The following DST variants were observed in gnomAD, a reference collection of about 807,000 sequenced individuals.
DST encodes dystonin.
Under a neutral mutation model 875.2 loss-of-function variants are expected in DST, and 253 were observed. That is an observed-to-expected ratio of 0.29 (90% confidence interval 0.26 to 0.32). The LOEUF (loss-of-function observed/expected upper bound fraction) is 0.32. Among genes scored for constraint, DST ranks in the 10% least tolerant of loss-of-function variants. The probability of loss-of-function intolerance (pLI) is 1.00; values close to 1 mark genes in which losing one functional copy is unlikely to be tolerated. For missense variants in DST, 8,287 were observed against 9,111.6 expected, an observed-to-expected ratio of 0.91 and a Z score of 3.68; for synonymous variants, 3,124 against 3,197.1, an observed-to-expected ratio of 0.98 and a Z score of 0.77.
intron 5 of DST, among the ~76,000 whole-genome samples, chr6:56,722,729 C>T (rs2152914823): frequency 6.6e-6 from 1 of 152,192 alleles, no homozygotes; most frequent in East Asian, 1.9e-4. Context: ...GTAGTTAAGA[C>T]TACAGGAATT....
chr6:56,712,090 C>CAAAAAAAAAAAAAAAAAAAAAAAA (rs34769867), intron 5 of DST, among the ~76,000 whole-genome samples: 56 of 76,348 alleles, frequency 7.3e-4, no homozygotes, highest in Non-Finnish European at 1.5e-3. Flanking sequence ...GACTCCGTCT[C>CAAAAAAAAAAAAAAAAAAAAAAAA]AAAAAAAAAA....
intron 10 of DST, among the ~76,000 whole-genome samples, chr6:56,662,100 G>GA (rs2099046308): frequency 1.3e-5 from 2 of 151,672 alleles, no homozygotes; most frequent in Admixed American, 1.3e-4. Context: ...AGAAAGAATA[G>GA]AAAAAAAAGA....
chr6:56,685,805 C>T (rs1195573934), intron 9 of DST, among the ~76,000 whole-genome samples: 1 of 151,998 alleles, frequency 6.6e-6, no homozygotes, highest in Non-Finnish European at 1.5e-5. Context: ...CAGGTTGGTG[C>T]GGTTGCAGAG....
At chr6:56,748,933 AT>A (rs1404438949) in intron 4 of DST, among the ~76,000 whole-genome samples, 1 of 152,204 alleles carries the variant, frequency 6.6e-6, no homozygotes, top group East Asian at 1.9e-4. Flanking sequence ...AAAAACCAAA[AT>A]AAAATGTCCT....
At chr6:56,664,082 C>G (rs2099058938) in intron 10 of DST, among the ~76,000 whole-genome samples, 2 of 151,954 alleles carry the variant, frequency 1.3e-5, no homozygotes, top group Admixed American at 1.3e-4. Flanking sequence ...TTCAAACACA[C>G]ACACCTCTAG....
chr6:56,464,505 C>G (rs2094488553), intron 100 of DST, 180 bp downstream of exon 100: 1 of 605,310 alleles, frequency 1.7e-6, no homozygotes, highest in African/African-American at 1.9e-5. Context: ...GCATGTGTAA[C>G]ACAACCAAAG....
intron 4 of DST, among the ~76,000 whole-genome samples, chr6:56,780,207 G>T (rs2099690018): frequency 6.6e-6 from 1 of 151,826 alleles, no homozygotes; most frequent in African/African-American, 2.4e-5. Flanking sequence ...TGTCTTTATA[G>T]CAGCATGATT....
chr6:56,535,069 T>C (rs978082967), intron 63 of DST, 53 bp downstream of exon 63: 3 of 1,591,688 alleles, frequency 1.9e-6, no homozygotes, highest in Non-Finnish European at 1.7e-6. Flanking sequence ...GCATTTTTTC[T>C]CTTGTTATTA....
In DST at chr6:56,485,162, C is replaced by T. The variant is rs115886428; in HGVS notation, c.21207+150G>A. On this transcript the variant is annotated intron_variant, in intron 88 of 103. Transcript: ENST00000680361. ...TTTTAAAGTTTGCTTCCAGGTTCTG[C>T]TCAAACGGACACATATTTCAACAAT... 3,867 of 818,170 alleles carry T rather than the reference C, an allele frequency of 4.7e-3. 100 individuals carry two copies. In the African/African-American group the frequency reaches 0.058, roughly 12 times the overall value. 50.7% of individuals were successfully genotyped at this position (818,170 alleles called of 1,614,324 possible). A position where few individuals can be genotyped will look rare whatever the true frequency, so the allele number is the denominator to read the frequency against.
intron 2 of DST, among the ~76,000 whole-genome samples, chr6:56,952,668 T>C (rs1822964434): frequency 6.6e-6 from 1 of 152,206 alleles, no homozygotes; most frequent in African/African-American, 2.4e-5. Context: ...CTTTACACAA[T>C]TTCTTGTAAT....
At chr6:56,622,537 T>G (rs904982517) in intron 36 of DST, among the ~76,000 whole-genome samples, 1 of 122,294 alleles carries the variant, frequency 8.2e-6, no homozygotes, top group Non-Finnish European at 1.6e-5. Flanking sequence ...ATCACGCCAC[T>G]GCACTCCAGC....
intron 78 of DST, among the ~76,000 whole-genome samples, chr6:56,502,882 A>G (rs1037913789): frequency 2.0e-5 from 3 of 152,160 alleles, no homozygotes; most frequent in African/African-American, 7.2e-5. Flanking sequence ...CATTGCAAAC[A>G]GTGTGATGTC....
rs1240285319 is a variant in DST at position 56,552,455 on chromosome 6, C to T, written c.16337G>A (p.Cys5446Tyr). The change falls in exon 61 of 104, where the codon TGC becomes TAC. Residue 5446 changes from cysteine (C) to tyrosine (Y), a missense_variant. Physicochemically the swap from Cys to Tyr is radical, Grantham distance 194. Transcript: ENST00000680361. ...MASNDNANKT[C>Y]KMMLATEETS... ...TTCTTCTGTGGCTAACATCATCTTG[C>T]AGGTTTTATTGGCATTGTCATTGCT... The T allele has an allele frequency of 1.2e-6, 2 of 1,613,976 alleles. No individual in the cohort carries two copies. The highest frequency in any genetic ancestry group is 1.7e-6 in the Non-Finnish European group (2 of 1,179,880).
At chr6:56,524,813 C>T (rs116765221) in intron 69 of DST, among the ~76,000 whole-genome samples, 6,496 of 152,004 alleles carry the variant, frequency 0.043, 164 homozygotes, top group African/African-American at 0.068. Flanking sequence ...TCTTTCAAGA[C>T]GAAGACTGGA....
rs146858008 is a variant in DST, at chr6:56,616,448, G to A, written c.4930-1964C>T. ...TGATCCTGTTTTAGTATCTACTACA[G>A]AAATTCTATGTGTTTTCTTGACATT... On this transcript the variant is annotated intron_variant, in intron 36 of 103. Transcript: ENST00000680361. 9.9e-6 allele frequency: 16 copies of A among 1,613,960 alleles called. No individual in the cohort carries two copies. In the African/African-American group the frequency reaches 1.7e-4, roughly 18 times the overall value.
At position 56,604,815 on chromosome 6, in the gene DST, T is replaced by C. The variant is rs2152708556; in HGVS notation, c.9813A>G (p.Thr3271=). The part of the protein sequence containing the change: ...SQFTPESIEA[T]LSILSRKHVE... Reference sequence around the variant, plus strand: ...CATGTTTACGAGATAATATTGAAAGTGTGGCTTCAATACTTTCTGGTGTGA... The same window carrying C: ...CATGTTTACGAGATAATATTGAAAGCGTGGCTTCAATACTTTCTGGTGTGA... The change falls in exon 40 of 104, where the codon ACA becomes ACG. Residue 3271 remains threonine, a synonymous_variant. Transcript: ENST00000680361. 1 of 1,612,844 alleles carries C rather than the reference T, an allele frequency of 6.2e-7. No homozygotes were observed. The highest frequency in any genetic ancestry group is 8.5e-7 in the Non-Finnish European group (1 of 1,179,258).
chr6:56,683,490 T>C (rs891834969), intron 9 of DST, among the ~76,000 whole-genome samples: 2 of 152,226 alleles, frequency 1.3e-5, no homozygotes, highest in South Asian at 2.1e-4. Context: ...TCAAGTTATA[T>C]GAACCATATG....
chr6:56,670,537 TGCCATGC>T, intron 10 of DST, 97 bp downstream of exon 10: 1 of 879,290 alleles, frequency 1.1e-6, no homozygotes, highest in African/African-American at 1.8e-5. Context: ...TCTAATTTTT[TGCCATGC>T]TTTTGCTTCT....
chr6:56,710,133 C>A (rs1056486270), intron 5 of DST, among the ~76,000 whole-genome samples: 1 of 152,062 alleles, frequency 6.6e-6, no homozygotes, highest in Non-Finnish European at 1.5e-5. Context: ...TAAGCAAAAA[C>A]AAATCAATCA....
Sources: gnomAD v4.1 joint callset for allele counts (sites outside exome capture counted in the v4.1 genomes callset) on GRCh38, gnomAD v4.1.1 for gene constraint, MANE v1.5 for transcripts, NCBI Gene and HGNC (gene_info 2026-07-23, HGNC 2026-07-21) for gene names.